Variants in LRRC63 observed in about 807,000 individuals in gnomAD.
LRRC63 encodes leucine rich repeat containing 63, also known as leucine-rich repeat-containing protein 63.
LRRC63 carries 40 observed loss-of-function variants against 49.5 expected under a neutral mutation model. The observed-to-expected ratio is 0.81, with a 90% confidence interval of 0.63 to 1.05. The LOEUF is 1.05. Ranked by LOEUF, LRRC63 falls within the 50% of genes least tolerant of loss-of-function variation. The pLI, the probability that LRRC63 is intolerant of heterozygous loss-of-function variation, is 0.00. For missense variants in LRRC63, 636 were observed against 663.1 expected (o/e 0.96, Z 0.45); for synonymous variants, 191 against 221.1 (o/e 0.86, Z 1.21).
intron 2 of LRRC63, among the ~76,000 whole-genome samples, chr13:46,224,303 T>G (rs1392862154): frequency 6.6e-6 from 1 of 152,216 alleles, no homozygotes; most frequent in Non-Finnish European, 1.5e-5. Context: ...AGACGTGTCA[T>G]CAAGTTCTGA....
At chr13:46,276,750 G>C in exon 10 of LRRC63, 6 of 1,224,464 alleles carry the variant, frequency 4.9e-6, no homozygotes, top group Non-Finnish European at 6.1e-6. Context: ...TGTTTTAGAT[G>C]GTAGTCCTAG....
chr13:46,226,623 A>G (rs2046584217), intron 2 of LRRC63, among the ~76,000 whole-genome samples: 1 of 152,208 alleles, frequency 6.6e-6, no homozygotes, highest in Admixed American at 6.5e-5. Context: ...GATAGGGGAC[A>G]TCATCCCTCC....
chr13:46,233,974 TG>T (rs1313821775), intron 4 of LRRC63, among the ~76,000 whole-genome samples: 1 of 152,192 alleles, frequency 6.6e-6, no homozygotes, highest in Non-Finnish European at 1.5e-5. Context: ...GGGAAGATAA[TG>T]GTGCATTTAA....
At chr13:46,270,675 C>T (rs2138592394) in intron 9 of LRRC63, 1 of 740,128 alleles carries the variant, frequency 1.4e-6, no homozygotes, top group Admixed American at 1.8e-5. Flanking sequence ...TGGCCTAAAC[C>T]ATCAGTGCAC....
intron 8 of LRRC63, among the ~76,000 whole-genome samples, chr13:46,266,463 TTC>T: frequency 6.6e-6 from 1 of 152,374 alleles, no homozygotes; most frequent in East Asian, 1.9e-4. Flanking sequence ...TTGTGGATAT[TTC>T]TTTTTCCATA....
intron 4 of LRRC63, among the ~76,000 whole-genome samples, chr13:46,233,038 T>C (rs778572684): frequency 1.3e-5 from 2 of 152,190 alleles, no homozygotes; most frequent in African/African-American, 2.4e-5. Context: ...CTACCATTCC[T>C]CCCAGAACTT....
chr13:46,221,652 G>A (rs1441233746), intron 2 of LRRC63, among the ~76,000 whole-genome samples: 4 of 152,172 alleles, frequency 2.6e-5, no homozygotes, highest in Admixed American at 1.3e-4. Context: ...ATGGGACTGT[G>A]ATATTTTGCT....
At chr13:46,240,258 C>G (rs1276984514) in intron 5 of LRRC63, among the ~76,000 whole-genome samples, 1 of 151,598 alleles carries the variant, frequency 6.6e-6, no homozygotes, top group African/African-American at 2.4e-5. Context: ...TCCTGAGTAG[C>G]TGGGACTACA....
chr13:46,248,030 T>A (rs1044778865), intron 6 of LRRC63, among the ~76,000 whole-genome samples: 5 of 151,844 alleles, frequency 3.3e-5, no homozygotes, highest in African/African-American at 1.2e-4. Flanking sequence ...AACATTTTCA[T>A]ATCTCACTGG....
intron 8 of LRRC63, among the ~76,000 whole-genome samples, chr13:46,264,511 A>G (rs1020828058): frequency 6.6e-6 from 1 of 152,010 alleles, no homozygotes; most frequent in Non-Finnish European, 1.5e-5. Context: ...CATGAAGATC[A>G]TGTTCTTCTT....
chr13:46,226,397 G>A (rs944058647), intron 2 of LRRC63, among the ~76,000 whole-genome samples: 1 of 152,108 alleles, frequency 6.6e-6, no homozygotes, highest in Non-Finnish European at 1.5e-5. Context: ...ATCAGCATCA[G>A]TCTTGTACCC....
At chr13:46,229,518 G>T (rs1459124443) in intron 4 of LRRC63, among the ~76,000 whole-genome samples, 5 of 152,122 alleles carry the variant, frequency 3.3e-5, no homozygotes, top group Non-Finnish European at 7.4e-5. Flanking sequence ...AGAATGTGGT[G>T]GTTTTAGTGG....
At chr13:46,221,070 T>C (rs1008050933) in intron 2 of LRRC63, among the ~76,000 whole-genome samples, 1 of 152,164 alleles carries the variant, frequency 6.6e-6, no homozygotes, top group African/African-American at 2.4e-5. Flanking sequence ...AATTGTGAGA[T>C]ATTTGTTGGT....
chr13:46,225,950 A>AT (rs1419851210), intron 2 of LRRC63, among the ~76,000 whole-genome samples: 3 of 150,436 alleles, frequency 2.0e-5, no homozygotes, highest in Middle Eastern at 3.4e-3. Flanking sequence ...CTTCAACCCT[A>AT]TTTTTTTACT....
chr13:46,265,598 C>T (rs1646754548), intron 8 of LRRC63, among the ~76,000 whole-genome samples: 3 of 152,168 alleles, frequency 2.0e-5, no homozygotes, highest in Admixed American at 2.0e-4. Flanking sequence ...ATGAGGGCTC[C>T]TGCCCTGATC....
At chr13:46,231,209 G>T (rs551833330) in intron 4 of LRRC63, among the ~76,000 whole-genome samples, 1 of 152,246 alleles carries the variant, frequency 6.6e-6, no homozygotes, top group South Asian at 2.1e-4. Flanking sequence ...TTCCAAAGTG[G>T]CTTCCACATT....
chr13:46,240,126 C>CTTTTTT (rs35181820), intron 5 of LRRC63, among the ~76,000 whole-genome samples: 1 of 120,864 alleles, frequency 8.3e-6, no homozygotes, highest in Non-Finnish European at 1.7e-5. Flanking sequence ...CTCTCTTTTT[C>CTTTTTT]TTTTTTTTTT....
At chr13:46,266,290 A>G (rs2047683322) in intron 8 of LRRC63, among the ~76,000 whole-genome samples, 1 of 152,242 alleles carries the variant, frequency 6.6e-6, no homozygotes, top group African/African-American at 2.4e-5. Flanking sequence ...CAGTTAATGA[A>G]AAGTCAAAGC....
intron 7 of LRRC63, among the ~76,000 whole-genome samples, chr13:46,261,328 A>G (rs1018384923): frequency 5.3e-5 from 8 of 152,218 alleles, no homozygotes; most frequent in Non-Finnish European, 7.3e-5. Flanking sequence ...ATATAAGGTC[A>G]TACTTATACT....
Sources: gnomAD v4.1 joint callset for allele counts (sites outside exome capture counted in the v4.1 genomes callset) on GRCh38, gnomAD v4.1.1 for gene constraint, MANE v1.5 for transcripts, NCBI Gene and HGNC (gene_info 2026-07-23, HGNC 2026-07-21) for gene names.